The following TMEM229B variants were observed in gnomAD, a reference collection of about 807,000 sequenced individuals.
TMEM229B encodes the protein chromosome 14 open reading frame 83.
A neutral mutation model predicts 13.7 loss-of-function variants in TMEM229B; 6 were observed. The ratio of observed to expected loss-of-function variants is 0.44; its 90% CI spans 0.24 to 0.86. The LOEUF is 0.86. Ranked by LOEUF, TMEM229B falls within the 40% of genes least tolerant of loss-of-function variation. The pLI, the probability that TMEM229B is intolerant of heterozygous loss-of-function variation, is 0.23. For synonymous variants in TMEM229B, 107 were observed against 102.1 expected (o/e 1.05, Z -0.29); for missense variants, 170 against 236.0 (o/e 0.72, Z 1.83).
At chr14:67,481,993 T>C (rs924768447) in intron 2 of TMEM229B, among the ~76,000 whole-genome samples, 1 of 152,008 alleles carries the variant, frequency 6.6e-6, no homozygotes, top group Non-Finnish European at 1.5e-5. Flanking sequence ...GAGGACAGAG[T>C]TTGGAGAGCA....
At chr14:67,499,001 T>TTATG in intron 1 of TMEM229B, among the ~76,000 whole-genome samples, 1 of 151,510 alleles carries the variant, frequency 6.6e-6, no homozygotes, top group Non-Finnish European at 1.5e-5. Context: ...ATTTATTTAT[T>TTATG]TATTAGTTAT....
intron 1 of TMEM229B, among the ~76,000 whole-genome samples, chr14:67,512,184 C>T (rs2033050095): frequency 1.3e-5 from 2 of 152,194 alleles, no homozygotes; most frequent in African/African-American, 2.4e-5. Flanking sequence ...TCTCACACAC[C>T]ACAGCCAGTG....
At chr14:67,486,349 AC>A (rs2031879523) in intron 2 of TMEM229B, among the ~76,000 whole-genome samples, 1 of 152,244 alleles carries the variant, frequency 6.6e-6, no homozygotes, top group Non-Finnish European at 1.5e-5. Context: ...ATCTTGGCTC[AC>A]TGCAACCTCT....
chr14:67,520,098 T>C (rs1270435519), upstream of TMEM229B, among the ~76,000 whole-genome samples: 1 of 152,198 alleles, frequency 6.6e-6, no homozygotes, highest in African/African-American at 2.4e-5. Context: ...CCATAGCTCC[T>C]GCCTCCACAC....
At chr14:67,501,888 A>G (rs1258525609) in intron 1 of TMEM229B, among the ~76,000 whole-genome samples, 2 of 152,224 alleles carry the variant, frequency 1.3e-5, no homozygotes, top group African/African-American at 4.8e-5. Context: ...ACGAATATTC[A>G]TACTGTGCAA....
upstream of TMEM229B, chr14:67,515,537 G>T (rs7154258): frequency 0.42 from 64,850 of 154,838 alleles, 14,184 homozygotes; most frequent in East Asian, 0.49. Context: ...CCCGCTCGCC[G>T]GCCCGGCCCG....
chr14:67,510,510 G>A (rs2032990960), intron 1 of TMEM229B, among the ~76,000 whole-genome samples: 1 of 152,188 alleles, frequency 6.6e-6, no homozygotes, highest in Non-Finnish European at 1.5e-5. Flanking sequence ...AAGCTTTATA[G>A]CATCTATAGG....
At chr14:67,511,797 G>A (rs1422997548) in intron 1 of TMEM229B, among the ~76,000 whole-genome samples, 1 of 152,332 alleles carries the variant, frequency 6.6e-6, no homozygotes, top group African/African-American at 2.4e-5. Context: ...AGCCTCACAG[G>A]GGAGGAGAGC....
At chr14:67,497,648 C>T (rs550450340) in intron 1 of TMEM229B, among the ~76,000 whole-genome samples, 4 of 152,274 alleles carry the variant, frequency 2.6e-5, no homozygotes, top group Admixed American at 6.5e-5. Context: ...GGTTTTTGCA[C>T]GATTTTAACA....
chr14:67,506,656 T>C (rs1346387479), intron 1 of TMEM229B, among the ~76,000 whole-genome samples: 2 of 151,972 alleles, frequency 1.3e-5, no homozygotes, highest in Admixed American at 6.6e-5. Flanking sequence ...GAAATGAAAA[T>C]AGAAGGAATG....
chr14:67,504,907 A>T (rs199932941), intron 1 of TMEM229B, among the ~76,000 whole-genome samples: 1 of 15,762 alleles, frequency 6.3e-5, no homozygotes, highest in South Asian at 2.5e-3. Flanking sequence ...AAACAAAAAC[A>T]AAAACAAAAA....
At chr14:67,502,868 A>G (rs1326192330) in intron 1 of TMEM229B, among the ~76,000 whole-genome samples, 1 of 152,206 alleles carries the variant, frequency 6.6e-6, no homozygotes, top group Non-Finnish European at 1.5e-5. Flanking sequence ...AACCTTGTAC[A>G]GGGTCCTGAA....
chr14:67,523,945 A>ACAAAGAGCATTTCCAGTGACG lies in TMEM229B; in HGVS notation c.-192+9690_-192+9691insCGTCACTGGAAATGCTCTTTG, dbSNP rs2033329075. Among the ~76,000 whole-genome samples the ACAAAGAGCATTTCCAGTGACG allele has an allele frequency of 4.6e-5, 7 of 152,294 alleles. No homozygotes were observed. In the South Asian group the frequency reaches 1.5e-3, roughly 32 times the overall value. ...AGGACAGGGAGGGAAGAATAGTGAC[A>ACAAAGAGCATTTCCAGTGACG]CAAAGAGGGTTTCCAGTGACACAAA... On this transcript the variant is annotated intron_variant, in intron 1 of 2. Coordinates refer to the TMEM229B transcript ENST00000554278.
intron 1 of TMEM229B, among the ~76,000 whole-genome samples, chr14:67,501,044 TTAATAATAATAATAA>T (rs71129826): frequency 4.7e-4 from 65 of 137,368 alleles, no homozygotes; most frequent in African/African-American, 1.3e-3. Flanking sequence ...TACTTGGGGG[TTAATAATAATAATAA>T]TAATAATAAT....
At chr14:67,503,533 G>A (rs1004534871) in intron 1 of TMEM229B, 1 of 152,134 alleles carries the variant, frequency 6.6e-6, no homozygotes, top group African/African-American at 2.4e-5. Context: ...TTCATGACTC[G>A]GCATGGCTGC....
At chr14:67,489,904 G>A (rs2032091118), upstream of TMEM229B, among the ~76,000 whole-genome samples, 1 of 152,034 alleles carries the variant, frequency 6.6e-6, no homozygotes, top group Non-Finnish European at 1.5e-5. Context: ...GCAGGAGAAT[G>A]GCGTGAACCT....
intron 1 of TMEM229B, among the ~76,000 whole-genome samples, chr14:67,496,511 G>A (rs1375359195): frequency 1.4e-5 from 2 of 147,006 alleles, no homozygotes; most frequent in East Asian, 2.1e-4. Flanking sequence ...TCAATAGGGT[G>A]TGCGATGACT....
intron 1 of TMEM229B, among the ~76,000 whole-genome samples, chr14:67,496,397 T>A (rs971391606): frequency 8.4e-6 from 1 of 119,068 alleles, no homozygotes; most frequent in Non-Finnish European, 1.7e-5. Flanking sequence ...CGGCGTTTTT[T>A]TTTTTTTTTT....
chr14:67,504,548 T>C (rs1035926173), intron 1 of TMEM229B, among the ~76,000 whole-genome samples: 2 of 152,002 alleles, frequency 1.3e-5, no homozygotes, highest in Non-Finnish European at 2.9e-5. Context: ...ACAATGATGG[T>C]TTTGATGATA....
Sources: gnomAD v4.1 joint callset for allele counts (sites outside exome capture counted in the v4.1 genomes callset) on GRCh38, gnomAD v4.1.1 for gene constraint, MANE v1.5 for transcripts, NCBI Gene and HGNC (gene_info 2026-07-23, HGNC 2026-07-21) for gene names.